Variants in NCOR1 observed in about 807,000 individuals in gnomAD.
NCOR1 encodes nuclear receptor corepressor 1, also known as protein phosphatase 1, regulatory subunit 109.
In NCOR1, 63 loss-of-function variants were observed where a neutral mutation model predicts 288.1. The ratio of observed to expected loss-of-function variants is 0.22; its 90% CI spans 0.18 to 0.27. The LOEUF is 0.27. Among genes scored for constraint, NCOR1 ranks in the 10% least tolerant of loss-of-function variants. NCOR1 has a pLI of 1.00. For missense variants in NCOR1, 2,397 were observed against 3,019.2 expected, an observed-to-expected ratio of 0.79 and a Z score of 4.83; for synonymous variants, 1,007 against 1,065.9, an observed-to-expected ratio of 0.94 and a Z score of 1.08.
intron 11 of NCOR1, among the ~76,000 whole-genome samples, chr17:16,142,466 G>C (rs1298653155): frequency 6.6e-6 from 1 of 151,954 alleles, no homozygotes; most frequent in East Asian, 1.9e-4. Flanking sequence ...ATCAAAACTA[G>C]CAAAACTCAG....
chr17:16,150,553 T>C (rs1238538421), intron 8 of NCOR1, among the ~76,000 whole-genome samples: 1 of 152,170 alleles, frequency 6.6e-6, no homozygotes, highest in East Asian at 1.9e-4. Flanking sequence ...GGAATTTAAA[T>C]GAAGTCAGCC....
chr17:16,172,239 C>A (rs2083262022), intron 3 of NCOR1, among the ~76,000 whole-genome samples: 2 of 151,996 alleles, frequency 1.3e-5, no homozygotes, highest in Admixed American at 1.3e-4. Context: ...GCCTGTAATC[C>A]CAGCTACTCG....
rs1169061711 is a variant in NCOR1 at position 16,117,993 on chromosome 17, A to G, written c.1950T>C (p.Ile650=). The change falls in exon 18 of 46, where the codon ATT becomes ATC. Residue 650 remains isoleucine, a synonymous_variant. Coordinates refer to ENST00000268712, the MANE Select transcript of NCOR1 (RefSeq NM_006311.4). The stretch of plus-strand genomic sequence containing the variant: ...CACTTTTCGTTCCCACCATTTTAGC[A>G]ATTGCTGCCCAGTTACGACCATGTT... ...LVEHGRNWAA[I]AKMVGTKSEA... 6.2e-7 allele frequency: 1 copy of G among 1,614,068 alleles called. No homozygotes were observed. The highest frequency in any genetic ancestry group is 1.7e-5 in the Admixed American group (1 of 60,004).
At chr17:16,112,619 T>A (rs1323481687) in intron 18 of NCOR1, among the ~76,000 whole-genome samples, 4 of 151,916 alleles carry the variant, frequency 2.6e-5, no homozygotes, top group African/African-American at 9.7e-5. Flanking sequence ...GCCTCCCGAG[T>A]AGCTGGGATT....
chr17:16,157,935 A>C (rs1456920862), intron 6 of NCOR1, among the ~76,000 whole-genome samples: 1 of 152,150 alleles, frequency 6.6e-6, no homozygotes, highest in Non-Finnish European at 1.5e-5. Context: ...AACCTAAAAA[A>C]GCAAAGTCTA....
At chr17:16,143,798 C>A in intron 10 of NCOR1, 102 bp from the exon 11 acceptor site, 1 of 804,132 alleles carries the variant, frequency 1.2e-6, no homozygotes, top group Non-Finnish European at 2.0e-6. Context: ...ACTTTTTAAC[C>A]AAGTTAAGAG....
Position 16,061,820 on chromosome 17 carries a change from A to T in NCOR1, c.5462T>A (p.Leu1821Gln). Residue 1821 changes from leucine (L) to glutamine (Q), a missense_variant, in exon 37 of 46, where the codon CTG (leucine) becomes CAG (glutamine). Leu to Gln is a moderately radical substitution (Grantham distance 113). This residue lies in a region of NCOR1 where 1,872 missense variants were observed against 2,187.8 expected (regional missense o/e 0.86). Transcript: ENST00000268712. ...AGCTGCAGCATCCACAAGAGCAGCC[A>T]GGGCATCCGCAGCAGTGTTGTAACG... Reference protein sequence around the residue: ...ASRYNTAADALAALVDAAASA... With the variant: ...ASRYNTAADAQAALVDAAASA... 6.2e-7 allele frequency: 1 copy of T among 1,614,204 alleles called. No individual in the cohort carries two copies. Among genetic ancestry groups the T allele is most frequent in the South Asian group, 1.1e-5 (1 of 91,084 alleles).
chr17:16,152,027 A>G (rs376113357), intron 7 of NCOR1, 29 bp from the exon 8 acceptor site: 1 of 1,469,750 alleles, frequency 6.8e-7, no homozygotes, highest in Non-Finnish European at 9.4e-7. Context: ...ATTTATGTAT[A>G]AAATGTTGTA....
intron 40 of NCOR1, among the ~76,000 whole-genome samples, chr17:16,049,631 G>A: frequency 6.6e-6 from 1 of 151,528 alleles, no homozygotes; most frequent in Non-Finnish European, 1.5e-5. Flanking sequence ...ACCCAGCCTG[G>A]AGTGCAGTGG....
intron 6 of NCOR1, among the ~76,000 whole-genome samples, chr17:16,155,397 A>C (rs900494132): frequency 1.3e-5 from 2 of 151,790 alleles, no homozygotes; most frequent in Non-Finnish European, 2.9e-5. Flanking sequence ...ACACACCCAC[A>C]AAGATATTCT....
chr17:16,069,090 A>C lies in NCOR1; in HGVS notation c.4514-969T>G, dbSNP rs547380347. ...AATTTTAGCCATTTTAAAGGGTACAATTCACAGTGGCATTAAGTACAAGCA... is the reference window on the plus strand; with the variant it reads ...AATTTTAGCCATTTTAAAGGGTACACTTCACAGTGGCATTAAGTACAAGCA... On this transcript the variant is annotated intron_variant, in intron 31 of 45. Transcript: ENST00000268712. Among the ~76,000 whole-genome samples, 93 of 152,276 alleles carry C rather than the reference A, an allele frequency of 6.1e-4. 1 individual carries two copies. The highest frequency in any genetic ancestry group is 1.5e-3 in the African/African-American group (62 of 41,562).
intron 3 of NCOR1, among the ~76,000 whole-genome samples, chr17:16,180,610 C>G (rs2153502038): frequency 6.6e-6 from 1 of 152,112 alleles, no homozygotes; most frequent in Non-Finnish European, 1.5e-5. Flanking sequence ...CAGCCAGGCA[C>G]AGTGGCATGC....
At chr17:16,181,205 A>ATGTGTGTG (rs1555787614) in intron 3 of NCOR1, among the ~76,000 whole-genome samples, 4 of 98,992 alleles carry the variant, frequency 4.0e-5, no homozygotes, top group East Asian at 4.6e-4. Flanking sequence ...GTATACATAT[A>ATGTGTGTG]TATGTATGTG....
intron 31 of NCOR1, among the ~76,000 whole-genome samples, chr17:16,069,694 G>A (rs2061527414): frequency 1.3e-5 from 2 of 152,198 alleles, no homozygotes; most frequent in African/African-American, 4.8e-5. Flanking sequence ...ACAATCCAGA[G>A]AGGTAGGTCT....
intron 17 of NCOR1, among the ~76,000 whole-genome samples, chr17:16,118,820 T>C (rs374936592): frequency 1.3e-5 from 2 of 152,304 alleles, no homozygotes; most frequent in Non-Finnish European, 1.5e-5. Flanking sequence ...TTTCAAATTA[T>C]AGTACATTAA....
At chr17:16,107,965 A>G (rs2069131545) in intron 19 of NCOR1, among the ~76,000 whole-genome samples, 2 of 152,168 alleles carry the variant, frequency 1.3e-5, no homozygotes, top group Admixed American at 6.5e-5. Context: ...TGGAGGATGT[A>G]CAACTTTTAA....
chr17:16,186,971 T>C (rs2086784617), intron 2 of NCOR1, among the ~76,000 whole-genome samples: 1 of 152,072 alleles, frequency 6.6e-6, no homozygotes, highest in Non-Finnish European at 1.5e-5. Context: ...ATCAGTAAAA[T>C]CTCAAACTCA....
At chr17:16,148,285 T>C (rs959164349) in intron 9 of NCOR1, among the ~76,000 whole-genome samples, 1 of 152,176 alleles carries the variant, frequency 6.6e-6, no homozygotes, top group African/African-American at 2.4e-5. Context: ...CCTCTGCGTA[T>C]ACAAGTTTGC....
intron 18 of NCOR1, among the ~76,000 whole-genome samples, chr17:16,110,356 A>G (rs1031786207): frequency 3.3e-5 from 5 of 152,182 alleles, no homozygotes; most frequent in Non-Finnish European, 4.4e-5. Flanking sequence ...TCGTTCAAAA[A>G]AAAAACAAAA....
Sources: allele counts gnomAD v4.1 joint callset (sites outside exome capture counted in the v4.1 genomes callset), GRCh38; gene constraint gnomAD v4.1.1; regional missense constraint gnomAD v4.1.1; transcripts MANE v1.5; gene names NCBI Gene and HGNC (gene_info 2026-07-23, HGNC 2026-07-21).